The following ELAVL4 variants were observed in gnomAD, a reference collection of about 807,000 sequenced individuals.
ELAVL4 encodes ELAV-like protein 4.
A neutral mutation model predicts 35.6 loss-of-function variants in ELAVL4; 1 was observed. The ratio of observed to expected loss-of-function variants is 0.03; its 90% CI spans 0.01 to 0.13. The LOEUF (loss-of-function observed/expected upper bound fraction) is 0.13, where lower values mean the gene tolerates loss of function less well. Among genes scored for constraint, ELAVL4 ranks in the 10% least tolerant of loss-of-function variants. The pLI is 1.00. For missense variants in ELAVL4, 267 were observed against 464.9 expected (o/e 0.57, Z 3.91); for synonymous variants, 156 against 171.0 (o/e 0.91, Z 0.69).
chr1:50,156,010 T>C (rs1675663689), intron 2 of ELAVL4, among the ~76,000 whole-genome samples: 1 of 150,632 alleles, frequency 6.6e-6, no homozygotes, highest in Non-Finnish European at 1.5e-5. Context: ...TTTTCTGGCA[T>C]GCATGTGCGT....
chr1:50,066,359 C>T (rs916821976), intron 1 of ELAVL4, among the ~76,000 whole-genome samples: 2 of 152,154 alleles, frequency 1.3e-5, no homozygotes, highest in Non-Finnish European at 2.9e-5. Flanking sequence ...TGATCGCTAA[C>T]ATTTGAATAG....
At chr1:50,113,870 G>T (rs576293067) in intron 1 of ELAVL4, among the ~76,000 whole-genome samples, 1 of 152,158 alleles carries the variant, frequency 6.6e-6, no homozygotes. Context: ...GCAGATTCCT[G>T]CACCTGTCTT....
At chr1:50,136,945 G>A (rs1366488648) in intron 1 of ELAVL4, among the ~76,000 whole-genome samples, 1 of 152,176 alleles carries the variant, frequency 6.6e-6, no homozygotes, top group Admixed American at 6.5e-5. Flanking sequence ...TTCCTGTAAT[G>A]TAAAGTTGTA....
chr1:50,186,364 C>A (rs1180714764), intron 3 of ELAVL4, among the ~76,000 whole-genome samples: 1 of 152,132 alleles, frequency 6.6e-6, no homozygotes, highest in Non-Finnish European at 1.5e-5. Context: ...ATGGAGATCA[C>A]CAGAATGCTC....
At chr1:50,093,112 A>C (rs1665564761) in intron 1 of ELAVL4, among the ~76,000 whole-genome samples, 1 of 152,226 alleles carries the variant, frequency 6.6e-6, no homozygotes, top group East Asian at 1.9e-4. Context: ...AACTTGATTT[A>C]TGATCATCAA....
intron 2 of ELAVL4, among the ~76,000 whole-genome samples, chr1:50,159,429 G>A (rs1401333242): frequency 6.6e-6 from 1 of 152,100 alleles, no homozygotes; most frequent in Non-Finnish European, 1.5e-5. Context: ...CCAACATGGT[G>A]AAACCCCATC....
chr1:50,084,904 T>C (rs2148499725), intron 1 of ELAVL4, among the ~76,000 whole-genome samples: 1 of 152,334 alleles, frequency 6.6e-6, no homozygotes, highest in Non-Finnish European at 1.5e-5. Context: ...ATTGTGTTAT[T>C]GTATCACCTT....
At chr1:50,139,350 T>C (rs981781754) in intron 1 of ELAVL4, among the ~76,000 whole-genome samples, 6 of 152,222 alleles carry the variant, frequency 3.9e-5, no homozygotes, top group Non-Finnish European at 7.4e-5. Context: ...TTTAATGAAC[T>C]GTAAAGTGCT....
At chr1:50,064,626 A>G (rs1162943244) in intron 1 of ELAVL4, among the ~76,000 whole-genome samples, 1 of 152,184 alleles carries the variant, frequency 6.6e-6, no homozygotes, top group African/African-American at 2.4e-5. Flanking sequence ...TTGAAGATAC[A>G]GTCACCATGA....
intron 1 of ELAVL4, among the ~76,000 whole-genome samples, chr1:50,136,507 T>C (rs558312860): frequency 6.6e-6 from 1 of 152,308 alleles, no homozygotes; most frequent in South Asian, 2.1e-4. Flanking sequence ...TGAGAGAGCT[T>C]GTTCTATTAC....
chr1:50,193,009 G>A (rs1053571791), intron 3 of ELAVL4, among the ~76,000 whole-genome samples: 2 of 152,080 alleles, frequency 1.3e-5, no homozygotes, highest in African/African-American at 2.4e-5. Flanking sequence ...ATAACCATTG[G>A]TGAGGCTCTC....
At chr1:50,109,793 C>T (rs1358462031) in intron 1 of ELAVL4, 4 of 872,816 alleles carry the variant, frequency 4.6e-6, no homozygotes, top group Admixed American at 4.5e-5. Context: ...AAAGAGGAGG[C>T]GGCTTGTATG....
chr1:50,087,550 C>T (rs545011630), intron 1 of ELAVL4, among the ~76,000 whole-genome samples: 99 of 152,274 alleles, frequency 6.5e-4, no homozygotes, highest in African/African-American at 2.2e-3. Context: ...AATGTAACCA[C>T]CTCAAGTAGA....
intron 6 of ELAVL4, among the ~76,000 whole-genome samples, chr1:50,198,766 C>T (rs539673593): frequency 3.5e-4 from 53 of 152,292 alleles, no homozygotes; most frequent in Non-Finnish European, 6.3e-4. Flanking sequence ...GCCACCACCT[C>T]CTCCACTGCC....
chr1:50,109,962 A>G (rs1666778737), intron 1 of ELAVL4: 3 of 1,612,140 alleles, frequency 1.9e-6, no homozygotes, highest in Non-Finnish European at 2.5e-6. Flanking sequence ...TGGCTTGAAG[A>G]TGGTAAGTGA....
upstream of ELAVL4, among the ~76,000 whole-genome samples, chr1:50,108,697 G>C (rs1480556781): frequency 2.6e-5 from 4 of 152,170 alleles, no homozygotes; most frequent in Non-Finnish European, 5.9e-5. Context: ...AAGTATGGCT[G>C]TTGTTGCTTC....
chr1:50,187,072 AT>A (rs954974295), intron 3 of ELAVL4, among the ~76,000 whole-genome samples: 1 of 152,182 alleles, frequency 6.6e-6, no homozygotes, highest in African/African-American at 2.4e-5. Flanking sequence ...CCCTGGCAGC[AT>A]CAGAATCTGT....
intron 1 of ELAVL4, among the ~76,000 whole-genome samples, chr1:50,057,049 T>TA (rs1257457845): frequency 1.3e-5 from 2 of 152,060 alleles, no homozygotes; most frequent in African/African-American, 4.8e-5. Flanking sequence ...AGGTGACAGG[T>TA]CCATGTTTGT....
At chr1:50,116,133 A>T (rs1454646141) in intron 1 of ELAVL4, among the ~76,000 whole-genome samples, 2 of 152,126 alleles carry the variant, frequency 1.3e-5, no homozygotes, top group Non-Finnish European at 2.9e-5. Flanking sequence ...CAGCCTCAGG[A>T]AGAAATATAG....
Sources: gnomAD v4.1 joint callset for allele counts (sites outside exome capture counted in the v4.1 genomes callset) on GRCh38, gnomAD v4.1.1 for gene constraint, MANE v1.5 for transcripts, NCBI Gene and HGNC (gene_info 2026-07-23, HGNC 2026-07-21) for gene names.